SLC38A2: variants seen among roughly 807,000 people sequenced by gnomAD.
The protein encoded by SLC38A2 is sodium-coupled neutral amino acid symporter 2.
Under a neutral mutation model 61.5 loss-of-function variants are expected in SLC38A2, and 11 were observed. The observed-to-expected ratio is 0.18, with a 90% CI of 0.11 to 0.30. SLC38A2 has a LOEUF of 0.30. SLC38A2 is among the 10% of genes least tolerant of loss of function. SLC38A2 has a pLI of 1.00. For synonymous variants in SLC38A2, 217 were observed against 212.5 expected (o/e 1.02, Z -0.18); for missense variants, 522 against 600.4 (o/e 0.87, Z 1.36).
At position 46,371,459 on chromosome 12, in the gene SLC38A2, G is replaced by C. The variant is rs1463167075; in HGVS notation, c.-86-80C>G. Reference sequence around the variant, plus strand: ...GTGACGCCGCCCGGAGGCGCAGCGCGGCTGATTCATCCCAGGCCAGGCGAG... The same window carrying C: ...GTGACGCCGCCCGGAGGCGCAGCGCCGCTGATTCATCCCAGGCCAGGCGAG... On this transcript the variant is annotated intron_variant, in intron 1 of 15. Coordinates refer to ENST00000256689, the MANE Select transcript of SLC38A2 (RefSeq NM_018976.5). The C allele has an allele frequency of 4.9e-6, 3 of 606,294 alleles. No individual in the cohort carries two copies. The Admixed American group carries it at 9.2e-5, about 19-fold the overall frequency. The allele number at this position is 606,294 out of a possible 1,614,324, so 37.6% of individuals were successfully genotyped here.
intron 4 of SLC38A2, 26 bp downstream of exon 4, chr12:46,370,486 C>G: frequency 6.5e-7 from 1 of 1,534,664 alleles, no homozygotes. Flanking sequence ...CCCTGCATGG[C>G]AGACTCACTA....
chr12:46,372,621 T>A lies in SLC38A2; in HGVS notation c.-199A>T. Reference sequence around the variant, plus strand: ...CAAATCCAACAACAGGCAGGAAAAATAATTTTAATAAAAAAGGAAAAGACA... The same window carrying A: ...CAAATCCAACAACAGGCAGGAAAAAAAATTTTAATAAAAAAGGAAAAGACA... On this transcript the variant is annotated 5_prime_UTR_variant, in exon 1 of 16. Transcript: ENST00000256689. The A allele has an allele frequency of 2.5e-6, 1 of 398,228 alleles. No homozygotes were observed. Among genetic ancestry groups the A allele is most frequent in the Non-Finnish European group, 4.4e-6 (1 of 225,886 alleles). 24.7% of individuals were successfully genotyped at this position (398,228 alleles called of 1,614,324 possible).
In SLC38A2 at chr12:46,365,126, C is replaced by A. The variant is rs77684584; in HGVS notation, c.627G>T (p.Leu209Phe). The A allele has an allele frequency of 1.7e-5, 28 of 1,613,438 alleles. 1 individual carries two copies. In the East Asian group the frequency reaches 4.5e-4, roughly 26 times the overall value. Residue 209 changes from leucine to phenylalanine, a missense_variant, in exon 8 of 16, where the codon TTG (leucine) becomes TTT (phenylalanine). Leu to Phe is a conservative substitution (Grantham distance 22). Around this residue, in one of 3 missense-constraint regions of SLC38A2, gnomAD observed 111 missense variants for 173.4 expected, o/e 0.64. Coordinates refer to ENST00000256689, the MANE Select transcript of SLC38A2 (RefSeq NM_018976.5). Reference sequence around the variant, plus strand: ...GCTCACCTAAATTTCTAAACAGCGACAAAGGAAGAATGACCACCAATGACA... The same window carrying A: ...GCTCACCTAAATTTCTAAACAGCGAAAAAGGAAGAATGACCACCAATGACA... ...LLVSLVVILP[L>F]SLFRNLGYLG...
In SLC38A2 at chr12:46,363,955, C is replaced by A; in HGVS notation, c.922G>T (p.Ala308Ser). The change falls in exon 11 of 16, where the codon GCT becomes TCT. Residue 308 changes from alanine (A) to serine (S), a missense_variant. Physicochemically the swap from Ala to Ser is moderately conservative, Grantham distance 99. Coordinates refer to ENST00000256689, the MANE Select transcript of SLC38A2 (RefSeq NM_018976.5). ...AGTTCTTCATAGATGGGAAGAACAG[C>A]AGGATGACAGACAAATGAAAAGATC... ...ILIFSFVCHP[A>S]VLPIYEELKD... The A allele has an allele frequency of 6.2e-7, 1 of 1,611,994 alleles. No homozygotes were observed.
Position 46,363,045 on chromosome 12 carries a change from C to T in SLC38A2, c.1155G>A (p.Leu385=), listed in dbSNP as rs776959406. The change falls in exon 13 of 16, where the codon CTG becomes CTA. Residue 385 remains leucine (L), a synonymous_variant. Coordinates refer to ENST00000256689, the MANE Select transcript of SLC38A2 (RefSeq NM_018976.5). ...VRLAVLMAVT[L]TVPVVIFPIR... ...CTGGGAAAATAACTACTGGTACTGT[C>T]AGGGTCACAGCCATTAACACAGCCA... 5.0e-6 allele frequency: 8 copies of T among 1,612,942 alleles called. No homozygotes were observed. Among genetic ancestry groups the T allele is most frequent in the Non-Finnish European group, 6.8e-6 (8 of 1,179,220 alleles).
rs932114331 is a variant in SLC38A2, at chr12:46,358,756, T to C, written c.*2355A>G. ...ATATGTACATAGATTATCATAAATATTGAAAAATAGGTTAGCTTTAATGGA... is the reference window on the plus strand; with the variant it reads ...ATATGTACATAGATTATCATAAATACTGAAAAATAGGTTAGCTTTAATGGA... On this transcript the variant is annotated 3_prime_UTR_variant, in exon 16 of 16. Transcript: ENST00000256689. 5 of 152,564 alleles carry C rather than the reference T, an allele frequency of 3.3e-5. No homozygotes were observed. The highest frequency in any genetic ancestry group is 1.2e-4 in the African/African-American group (5 of 41,428). 9.5% of individuals were successfully genotyped at this position (152,564 alleles called of 1,614,324 possible).
chr12:46,371,046 A>C, intron 2 of SLC38A2, 132 bp downstream of exon 2: 1 of 886,172 alleles, frequency 1.1e-6, no homozygotes. Context: ...AGATAATCGG[A>C]TACTCTTTCA....
intron 1 of SLC38A2, chr12:46,371,586 G>T (rs1943201973): frequency 2.7e-6 from 1 of 374,288 alleles, no homozygotes; most frequent in South Asian, 3.2e-5. Context: ...CCACCGCTGT[G>T]TTGCGGCCGT....
chr12:46,370,081 T>C (rs1304184156), intron 4 of SLC38A2, among the ~76,000 whole-genome samples: 1 of 152,196 alleles, frequency 6.6e-6, no homozygotes, highest in Non-Finnish European at 1.5e-5. Context: ...GAAATTTTCT[T>C]TTCCTTATTC....
intron 13 of SLC38A2, 77 bp from the exon 14 acceptor site, chr12:46,362,715 AAAGAATGCCC>A (rs1943095231): frequency 7.0e-7 from 1 of 1,426,592 alleles, no homozygotes; most frequent in Non-Finnish European, 9.3e-7. Flanking sequence ...CAATGAATGA[AAAGAATGCCC>A]AAGTAACAAG....
Position 46,366,240 on chromosome 12 carries a change from C to T in SLC38A2, c.563+624G>A, listed in dbSNP as rs181449666. 4.4e-3 allele frequency among the ~76,000 whole-genome samples: 674 copies of T among 152,204 alleles called. 4 individuals carry two copies. Among genetic ancestry groups the T allele is most frequent in the African/African-American group, 0.015 (635 of 41,518 alleles). ...CCGAAGTGTTTTGGACTTTGGAGTA[C>T]CTGCACATACATATTTGAAGTATCT... is the stretch of plus-strand genomic sequence containing the variant. On this transcript the variant is annotated intron_variant, in intron 7 of 15. Coordinates refer to ENST00000256689, the MANE Select transcript of SLC38A2 (RefSeq NM_018976.5).
intron 15 of SLC38A2, 154 bp downstream of exon 15, chr12:46,362,130 A>C: frequency 1.7e-6 from 1 of 592,712 alleles, no homozygotes; most frequent in Non-Finnish European, 2.9e-6. Flanking sequence ...TTCCCTCTGC[A>C]ATCTTCCATC....
chr12:46,364,817 T>C, intron 8 of SLC38A2, 115 bp from the exon 9 acceptor site: 1 of 930,516 alleles, frequency 1.1e-6, no homozygotes. Flanking sequence ...CACTAAAGTA[T>C]GTGTATAGCA....
chr12:46,372,280 C>G (rs1357164965), intron 1 of SLC38A2: 2 of 172,212 alleles, frequency 1.2e-5, no homozygotes, highest in Admixed American at 6.3e-5. Flanking sequence ...GGCTCCGCAC[C>G]GTGCAGGCAC....
intron 2 of SLC38A2, 28 bp from the exon 3 acceptor site, chr12:46,370,885 G>A (rs1943188816): frequency 6.5e-7 from 1 of 1,530,402 alleles, no homozygotes; most frequent in Non-Finnish European, 9.0e-7. Context: ...ATATATAATT[G>A]TAAACTGGAT....
At chr12:46,372,118 T>C (rs796142965) in intron 1 of SLC38A2, among the ~76,000 whole-genome samples, 22 of 152,266 alleles carry the variant, frequency 1.4e-4, no homozygotes, top group African/African-American at 5.1e-4. Flanking sequence ...TGGCCTCTCC[T>C]GTAATACATG....
chr12:46,366,357 T>C (rs913144992), intron 7 of SLC38A2, among the ~76,000 whole-genome samples: 6 of 152,162 alleles, frequency 3.9e-5, no homozygotes, highest in Non-Finnish European at 8.8e-5. Context: ...TTATACAGTA[T>C]TTTAATTAAT....
intron 7 of SLC38A2, chr12:46,365,402 CAG>C (rs1943129450): frequency 1.7e-6 from 1 of 578,836 alleles, no homozygotes; most frequent in Non-Finnish European, 3.0e-6. Flanking sequence ...GGGTATAAAA[CAG>C]TGTAACTTTT....
chr12:46,364,384 G>C lies in SLC38A2; in HGVS notation c.873+5C>G. Reference sequence around the variant, plus strand: ...TCTTTTGAGAAAATAAGCATATTTAGTTACCTGTGAGTTGAAAATAAAATA... The same window carrying C: ...TCTTTTGAGAAAATAAGCATATTTACTTACCTGTGAGTTGAAAATAAAATA... On this transcript the variant is annotated splice_donor_5th_base_variant and intron_variant, in intron 10 of 15. Coordinates refer to ENST00000256689, the MANE Select transcript of SLC38A2 (RefSeq NM_018976.5). The C allele has an allele frequency of 6.4e-7, 1 of 1,570,960 alleles. No homozygotes were observed. The highest frequency in any genetic ancestry group is 8.6e-7 in the Non-Finnish European group (1 of 1,165,364).
Sources: allele counts gnomAD v4.1 joint callset (sites outside exome capture counted in the v4.1 genomes callset), GRCh38; gene constraint gnomAD v4.1.1; regional missense constraint gnomAD v4.1.1; transcripts MANE v1.5; gene names NCBI Gene and HGNC (gene_info 2026-07-23, HGNC 2026-07-21).